ST6GALNAC1: variants seen among roughly 807,000 people sequenced by gnomAD.
ST6GALNAC1 encodes alpha-N-acetylgalactosaminide alpha-2,6-sialyltransferase 1.
In ST6GALNAC1, 45 loss-of-function variants were observed where a neutral mutation model predicts 56.8. The observed-to-expected ratio is 0.79, with a 90% CI of 0.62 to 1.02. ST6GALNAC1 has a LOEUF of 1.02. ST6GALNAC1 is among the 50% of genes least tolerant of loss of function. ST6GALNAC1 has a pLI of 0.00. For synonymous variants in ST6GALNAC1, 295 were observed against 297.8 expected, an observed-to-expected ratio of 0.99 and a Z score of 0.10; for missense variants, 743 against 754.8, an observed-to-expected ratio of 0.98 and a Z score of 0.18.
intron 2 of ST6GALNAC1, among the ~76,000 whole-genome samples, chr17:76,628,268 C>CCTTCCTTCCT (rs1555634500): frequency 1.3e-4 from 5 of 37,528 alleles, no homozygotes; most frequent in African/African-American, 4.8e-4. Context: ...CCCTCCCTCC[C>CCTTCCTTCCT]TCCTTCCTTC....
intron 1 of ST6GALNAC1, among the ~76,000 whole-genome samples, chr17:76,634,616 G>T (rs2075952102): frequency 9.5e-6 from 1 of 105,398 alleles, no homozygotes; most frequent in African/African-American, 3.8e-5. Context: ...CCTCACGCCT[G>T]TAATCCCAGC....
chr17:76,637,784 T>C, intron 1 of ST6GALNAC1: 1 of 398,688 alleles, frequency 2.5e-6, no homozygotes, highest in Non-Finnish European at 4.4e-6. Flanking sequence ...TGAAGCTTGG[T>C]GGATGGGAGT....
chr17:76,619,740 G>GTTTTTTTTTTTTTTTTTTTTTTT, the ST6GALNAC1 span, among the ~76,000 whole-genome samples: 3 of 101,586 alleles, frequency 3.0e-5, no homozygotes, highest in African/African-American at 1.2e-4. Context: ...AATAATGTTA[G>GTTTTTTTTTTTTTTTTTTTTTTT]TTTTTTTTTT....
intron 1 of ST6GALNAC1, among the ~76,000 whole-genome samples, chr17:76,643,282 G>A (rs537911020): frequency 6.6e-6 from 1 of 152,272 alleles, no homozygotes; most frequent in South Asian, 2.1e-4. Context: ...ACAGTATCTG[G>A]ACATGTCCAT....
rs2075775213 is a variant in ST6GALNAC1 at position 76,624,988 on chromosome 17, T to C, written c.*342A>G. 6.3e-6 allele frequency: 2 copies of C among 317,372 alleles called. No homozygotes were observed. The highest frequency in any genetic ancestry group is 8.3e-5 in the South Asian group (2 of 23,996). The allele number at this position is 317,372 out of a possible 1,614,324, so 19.7% of individuals were successfully genotyped here. A position where few individuals can be genotyped will look rare whatever the true frequency, so the allele number is the denominator to read the frequency against. On this transcript the variant is annotated 3_prime_UTR_variant, in exon 9 of 9. Coordinates refer to ENST00000156626, the MANE Select transcript of ST6GALNAC1 (RefSeq NM_018414.5). ...AACTCGATCTGGAATTCAAACCAGA[T>C]CTATATGTTTCTGTAAATCCAGGCT...
At chr17:76,622,620 C>G (rs901045110), downstream of ST6GALNAC1, among the ~76,000 whole-genome samples, 1 of 152,132 alleles carries the variant, frequency 6.6e-6, no homozygotes, top group Admixed American at 6.5e-5. Flanking sequence ...ACCTTGGCCT[C>G]CCAAAGTGCT....
At position 76,626,060 on chromosome 17, in the gene ST6GALNAC1, T is replaced by G. The variant is rs1437607983; in HGVS notation, c.1451A>C (p.His484Pro). 4.3e-6 allele frequency: 7 copies of G among 1,614,076 alleles called. No homozygotes were observed. The highest frequency in any genetic ancestry group is 5.1e-6 in the Non-Finnish European group (6 of 1,180,034). The change falls in exon 7 of 9, where the codon CAC becomes CCC. Residue 484 changes from histidine (H) to proline (P), a missense_variant. Physicochemically the swap from His to Pro is moderately conservative, Grantham distance 77. Transcript: ENST00000156626. ...GTGCAGCAACAGGTACCTGTCCATGTGCAGGGCTTCCCGAAAAGCTTCCTG... is the reference window on the plus strand; with the variant it reads ...GTGCAGCAACAGGTACCTGTCCATGGGCAGGGCTTCCCGAAAAGCTTCCTG... ...RPQEAFREAL[H>P]MDRYLLLHPD... is the part of the protein sequence containing the mutation.
rs563341016 is a variant in ST6GALNAC1, at chr17:76,640,314, A to G, written c.131+3194T>C. Among the ~76,000 whole-genome samples, 5 of 152,268 alleles carry G rather than the reference A, an allele frequency of 3.3e-5. No individual in the cohort carries two copies. The South Asian group carries it at 1.0e-3, about 32-fold the overall frequency. Reference sequence around the variant, plus strand: ...TTCTGCCTCTTCCCAGGTACATTACATCGTGGACAGTTCCAACAACTTCCT... The same window carrying G: ...TTCTGCCTCTTCCCAGGTACATTACGTCGTGGACAGTTCCAACAACTTCCT... On this transcript the variant is annotated intron_variant, in intron 1 of 8. Coordinates refer to ENST00000156626, the MANE Select transcript of ST6GALNAC1 (RefSeq NM_018414.5).
intron 1 of ST6GALNAC1, among the ~76,000 whole-genome samples, chr17:76,636,994 T>G (rs992120541): frequency 7.9e-5 from 12 of 152,252 alleles, no homozygotes; most frequent in African/African-American, 2.9e-4. Flanking sequence ...CTCTGAAACA[T>G]GTGCTGTGTC....
At chr17:76,638,352 G>A (rs1330231229) in intron 1 of ST6GALNAC1, among the ~76,000 whole-genome samples, 2 of 152,100 alleles carry the variant, frequency 1.3e-5, no homozygotes, top group Non-Finnish European at 2.9e-5. Flanking sequence ...GAGATGGCCC[G>A]ATGGGTTTGA....
At chr17:76,619,740 GTTT>G in the ST6GALNAC1 span, among the ~76,000 whole-genome samples, 1 of 101,584 alleles carries the variant, frequency 9.8e-6, no homozygotes, top group African/African-American at 3.9e-5. Context: ...AATAATGTTA[GTTT>G]TTTTTTTTTT....
chr17:76,639,119 T>C (rs1452356133), intron 1 of ST6GALNAC1, among the ~76,000 whole-genome samples: 1 of 152,210 alleles, frequency 6.6e-6, no homozygotes, highest in Non-Finnish European at 1.5e-5. Context: ...AGCATGAATT[T>C]ACTCAAGTTA....
At chr17:76,619,890 T>C (rs947813699), downstream of ST6GALNAC1, among the ~76,000 whole-genome samples, 2 of 150,950 alleles carry the variant, frequency 1.3e-5, no homozygotes, top group Non-Finnish European at 3.0e-5. Flanking sequence ...ATTACAGGCA[T>C]GCACCGCCAC....
rs899416502 is a variant in ST6GALNAC1 at position 76,626,708 on chromosome 17, C to G, written c.1254G>C (p.Leu418=). Residue 418 remains leucine (L), a synonymous_variant, in exon 5 of 9, where the codon CTG becomes CTC. Transcript: ENST00000156626. ...TSFYGFTAFS[L]TQSLLILGNR... ...TGCCCAATATAAGGAGTGACTGGGT[C>G]AGGGAGAAGGCGGTAAAGCCGTAGA... The G allele has an allele frequency of 2.5e-6, 4 of 1,614,076 alleles. No individual in the cohort carries two copies. In the African/African-American group the frequency reaches 5.3e-5, roughly 22 times the overall value.
chr17:76,629,787 T>G (rs1030363951), intron 1 of ST6GALNAC1, 76 bp from the exon 2 acceptor site: 22 of 1,095,740 alleles, frequency 2.0e-5, no homozygotes, highest in African/African-American at 1.3e-4. Flanking sequence ...TTTTTTGTTT[T>G]TTTTTTTTTT....
At chr17:76,638,124 T>TC (rs2076001795) in intron 1 of ST6GALNAC1, among the ~76,000 whole-genome samples, 1 of 151,618 alleles carries the variant, frequency 6.6e-6, no homozygotes, top group Admixed American at 6.6e-5. Context: ...TTTTTTTTTT[T>TC]TTTTAATGGA....
intron 1 of ST6GALNAC1, among the ~76,000 whole-genome samples, chr17:76,632,960 T>C (rs1049716328): frequency 1.4e-4 from 22 of 152,284 alleles, no homozygotes; most frequent in African/African-American, 3.9e-4. Context: ...AGAGCCAGCA[T>C]TTTGGGAGGC....
chr17:76,629,544 CTG>C lies in ST6GALNAC1; in HGVS notation c.297_298del (p.Asp99GlufsTer128), dbSNP rs1439201867. 64 of 1,613,940 alleles carry C rather than the reference CTG, an allele frequency of 4.0e-5. No homozygotes were observed. Among genetic ancestry groups the C allele is most frequent in the Non-Finnish European group, 5.1e-5 (60 of 1,180,026 alleles). The stretch of plus-strand genomic sequence containing the variant: ...CGGTGCCTGGTTGGCCTCCTTTCCT[CTG>C]TCTCCGGTGGTGTGGGCCTTGGGCT... On this transcript the variant is annotated frameshift_variant, in exon 2 of 9. Coordinates refer to ENST00000156626, the MANE Select transcript of ST6GALNAC1 (RefSeq NM_018414.5). LOFTEE classifies it high-confidence loss of function.
intron 1 of ST6GALNAC1, among the ~76,000 whole-genome samples, chr17:76,631,022 G>T (rs146131937): frequency 0.015 from 2,203 of 151,840 alleles, 63 homozygotes; most frequent in African/African-American, 0.05. Context: ...AGCCTCTCGA[G>T]TAGCTGGGAC....
Sources: gnomAD v4.1 joint callset for allele counts (sites outside exome capture counted in the v4.1 genomes callset) on GRCh38, gnomAD v4.1.1 for gene constraint, MANE v1.5 for transcripts, NCBI Gene and HGNC (gene_info 2026-07-23, HGNC 2026-07-21) for gene names.